CACNA1C: variants seen among roughly 807,000 people sequenced by gnomAD.
CACNA1C encodes voltage-dependent L-type calcium channel subunit alpha-1C.
A neutral mutation model predicts 229.0 loss-of-function variants in CACNA1C; 30 were observed. The observed-to-expected ratio is 0.13, with a 90% CI of 0.10 to 0.18. The LOEUF (loss-of-function observed/expected upper bound fraction) is 0.18, where lower values mean the gene tolerates loss of function less well. Among genes scored for constraint, CACNA1C ranks in the 10% least tolerant of loss-of-function variants. The pLI is 1.00. For synonymous variants in CACNA1C, 1,114 were observed against 1,132.5 expected, an observed-to-expected ratio of 0.98 and a Z score of 0.33; for missense variants, 1,658 against 2,845.0, an observed-to-expected ratio of 0.58 and a Z score of 9.49.
intron 3 of CACNA1C, among the ~76,000 whole-genome samples, chr12:2,173,444 G>GAT (rs1224215063): frequency 6.6e-6 from 1 of 152,192 alleles, no homozygotes; most frequent in African/African-American, 2.4e-5. Context: ...GGATACATTT[G>GAT]AGAAGGAAAG....
chr12:2,425,310 G>A (rs1490047054), intron 3 of CACNA1C, among the ~76,000 whole-genome samples: 3 of 152,160 alleles, frequency 2.0e-5, no homozygotes, highest in Non-Finnish European at 2.9e-5. Flanking sequence ...CAGTATAATC[G>A]CAATTTTGGA....
At position 2,177,589 on chromosome 12, in the gene CACNA1C, C is replaced by G. The variant is rs1398996409; in HGVS notation, c.477+57159C>G. The stretch of plus-strand genomic sequence containing the variant: ...CCTCCCTCCCTCCCTCCCTCCCTCC[C>G]TTCCTTCCTTCCTTCCTTCCTTCCT... On this transcript the variant is annotated intron_variant, in intron 3 of 46. Coordinates refer to ENST00000399655, the MANE Select transcript of CACNA1C (RefSeq NM_000719.7). 8.8e-5 allele frequency among the ~76,000 whole-genome samples: 4 copies of G among 45,558 alleles called. 1 individual carries two copies. Among genetic ancestry groups the G allele is most frequent in the African/African-American group, 2.4e-4 (4 of 16,978 alleles). 29.9% of individuals were successfully genotyped at this position (45,558 alleles called of 152,430 possible). A position where few individuals can be genotyped will look rare whatever the true frequency, so the allele number is the denominator to read the frequency against.
chr12:2,002,307 C>T (rs896671775), intron 1 of CACNA1C, among the ~76,000 whole-genome samples: 8 of 152,196 alleles, frequency 5.3e-5, no homozygotes, highest in African/African-American at 1.9e-4. Context: ...AGTGACAGCA[C>T]ATGGAGACAG....
Position 2,585,853 on chromosome 12 carries a change from C to G in CACNA1C, c.2479C>G (p.Gln827Glu). 6.2e-7 allele frequency: 1 copy of G among 1,609,184 alleles called. No individual in the cohort carries two copies. Among genetic ancestry groups the G allele is most frequent in the Non-Finnish European group, 8.5e-7 (1 of 1,177,474 alleles). The change falls in exon 18 of 47, where the codon CAG (glutamine) becomes GAG (glutamate). Residue 827 changes from glutamine to glutamate, a missense_variant. Coordinates refer to ENST00000399655, the MANE Select transcript of CACNA1C (RefSeq NM_000719.7). The surrounding 1 kb of genome is among the most constrained non-coding windows in gnomAD (Gnocchi z 4.1). Reference protein sequence around the residue: ...PATKINMDDLQPNENEDKSPY... With the variant: ...PATKINMDDLEPNENEDKSPY... Reference sequence around the variant, plus strand: ...TGTCTAGATCAACATGGATGACCTCCAGCCCAATGAAAATGAGGATAAGAG... The same window carrying G: ...TGTCTAGATCAACATGGATGACCTCGAGCCCAATGAAAATGAGGATAAGAG...
At chr12:2,513,528 G>A (rs375098182) in intron 9 of CACNA1C, among the ~76,000 whole-genome samples, 114 of 152,216 alleles carry the variant, frequency 7.5e-4, no homozygotes, top group African/African-American at 2.6e-3. Flanking sequence ...GAAGCCCAGA[G>A]GAATTCGGCA....
chr12:1,976,532 T>G (rs2034417510), intron 1 of CACNA1C, among the ~76,000 whole-genome samples: 1 of 152,204 alleles, frequency 6.6e-6, no homozygotes, highest in South Asian at 2.1e-4. Flanking sequence ...CATTCCTCAC[T>G]GCTCATGATG....
At chr12:2,487,348 C>T (rs556338735) in intron 6 of CACNA1C, among the ~76,000 whole-genome samples, 1 of 150,942 alleles carries the variant, frequency 6.6e-6, no homozygotes, top group Non-Finnish European at 1.5e-5. Context: ...TAAATGGGAC[C>T]TCTCGCTTCA....
At chr12:2,599,186 G>T (rs761333354) in intron 21 of CACNA1C, among the ~76,000 whole-genome samples, 1 of 152,182 alleles carries the variant, frequency 6.6e-6, no homozygotes, top group African/African-American at 2.4e-5. Flanking sequence ...CATTGTCATG[G>T]CAAGGTCCTT....
rs568328960 is a variant in CACNA1C, at chr12:2,135,386, A to C, written c.477+14956A>C. On this transcript the variant is annotated intron_variant, in intron 3 of 46. Transcript: ENST00000399655. ...CCTTTGGAGGAGGAGAGGCGCTCTGATTTTTAGAGCTTCCAGTTTTTCTGT... is the reference window on the plus strand; with the variant it reads ...CCTTTGGAGGAGGAGAGGCGCTCTGCTTTTTAGAGCTTCCAGTTTTTCTGT... 9.4e-3 allele frequency among the ~76,000 whole-genome samples: 1,347 copies of C among 143,014 alleles called. 11 individuals carry two copies. The highest frequency in any genetic ancestry group is 0.035 in the African/African-American group (1,231 of 35,560). The allele number at this position is 143,014 out of a possible 152,430, so 93.8% of individuals were successfully genotyped here. A position where few individuals can be genotyped will look rare whatever the true frequency, so the allele number is the denominator to read the frequency against.
chr12:2,349,493 T>A (rs1178374434), intron 3 of CACNA1C, among the ~76,000 whole-genome samples: 1 of 152,150 alleles, frequency 6.6e-6, no homozygotes, highest in African/African-American at 2.4e-5. Flanking sequence ...TCTGCCAGCC[T>A]GGGGGCATTT....
chr12:2,607,442 G>T (rs1456809333), intron 26 of CACNA1C: 2 of 255,282 alleles, frequency 7.8e-6, no homozygotes, highest in African/African-American at 4.4e-5. Context: ...CTGGGAGTTG[G>T]GTGTGGGGAG....
intron 39 of CACNA1C, among the ~76,000 whole-genome samples, chr12:2,675,490 C>A (rs1182526945): frequency 1.3e-5 from 2 of 152,328 alleles, no homozygotes; most frequent in East Asian, 3.9e-4. Context: ...CACATACTTA[C>A]ACATATGCAG....
At chr12:2,445,524 C>A (rs141562350) in intron 3 of CACNA1C, among the ~76,000 whole-genome samples, 100 of 152,272 alleles carry the variant, frequency 6.6e-4, no homozygotes, top group African/African-American at 2.3e-3. Context: ...GCATGGATCG[C>A]AGGATAGGCT....
chr12:2,256,996 TCAACA>T (rs761235117), intron 3 of CACNA1C, among the ~76,000 whole-genome samples: 7 of 152,196 alleles, frequency 4.6e-5, no homozygotes, highest in Non-Finnish European at 8.8e-5. Flanking sequence ...TCGTGGTGAC[TCAACA>T]CAACAGAATG....
In CACNA1C at chr12:2,639,636, G is replaced by T. The variant is rs886493967; in HGVS notation, c.3912+5256G>T. Among the ~76,000 whole-genome samples the T allele has an allele frequency of 1.3e-5, 2 of 152,166 alleles. No homozygotes were observed. The highest frequency in any genetic ancestry group is 1.3e-4 in the Admixed American group (2 of 15,284). On this transcript the variant is annotated intron_variant, in intron 30 of 46. Transcript: ENST00000399655. This position sits in a 1 kb window ranked among gnomAD's most constrained non-coding sequence, Gnocchi z 4.2. ...GGATGGTCTCTTGCAACTCTAGCCT[G>T]CAGTGATTCTGACTTGGGCATTTTC...
At chr12:2,516,102 T>C (rs972638718) in intron 9 of CACNA1C, among the ~76,000 whole-genome samples, 1 of 151,320 alleles carries the variant, frequency 6.6e-6, no homozygotes, top group African/African-American at 2.4e-5. Context: ...TTTTAAGGGG[T>C]CAGCCAAGGA....
At chr12:2,247,891 GA>G (rs1169176757) in intron 3 of CACNA1C, among the ~76,000 whole-genome samples, 1 of 152,200 alleles carries the variant, frequency 6.6e-6, no homozygotes, top group East Asian at 1.9e-4. Context: ...ATGGAAAGGA[GA>G]AAAGGTGCTG....
At chr12:2,521,020 A>T (rs2099808711) in intron 9 of CACNA1C, among the ~76,000 whole-genome samples, 1 of 152,206 alleles carries the variant, frequency 6.6e-6, no homozygotes, top group Non-Finnish European at 1.5e-5. Flanking sequence ...CCCCTTGGGG[A>T]GACGCCTACT....
At chr12:2,650,550 G>A (rs1164353927) in intron 31 of CACNA1C, among the ~76,000 whole-genome samples, 1 of 152,154 alleles carries the variant, frequency 6.6e-6, no homozygotes, top group African/African-American at 2.4e-5. Flanking sequence ...CTCCGGATTT[G>A]GCAGTGGCTT....
Sources: gnomAD v4.1 joint callset for allele counts (sites outside exome capture counted in the v4.1 genomes callset) on GRCh38, gnomAD v4.1.1 for gene constraint, Gnocchi (gnomAD v3.1) non-coding constraint, MANE v1.5 for transcripts, NCBI Gene and HGNC (gene_info 2026-07-23, HGNC 2026-07-21) for gene names.